Variants in PPFIBP1 observed in about 807,000 individuals in gnomAD.
The protein encoded by PPFIBP1 is PPFIB scaffold protein 1.
In PPFIBP1, 112 loss-of-function variants were observed where a neutral mutation model predicts 137.8. That is an observed-to-expected ratio of 0.81 (90% CI 0.70 to 0.95). The LOEUF is 0.95. PPFIBP1 is among the 40% of genes least tolerant of loss of function. The probability of loss-of-function intolerance (pLI) is 0.00; values close to 1 mark genes in which losing one functional copy is unlikely to be tolerated. For missense variants in PPFIBP1, 1,083 were observed against 1,196.6 expected (o/e 0.91, Z 1.40); for synonymous variants, 378 against 417.3 (o/e 0.91, Z 1.15).
At chr12:27,645,865 C>T (rs541183368) in intron 4 of PPFIBP1, among the ~76,000 whole-genome samples, 197 bp from the exon 5 acceptor site, 1 of 152,276 alleles carries the variant, frequency 6.6e-6, no homozygotes, top group South Asian at 2.1e-4. Flanking sequence ...CAAAACATGC[C>T]TATATGCTTA....
At chr12:27,566,783 A>G (rs964829365) in intron 1 of PPFIBP1, among the ~76,000 whole-genome samples, 3 of 152,222 alleles carry the variant, frequency 2.0e-5, no homozygotes, top group African/African-American at 4.8e-5. Flanking sequence ...GTTTAAGGCC[A>G]CACGGTCAGC....
At chr12:27,692,735 G>T (rs2061628157) in intron 29 of PPFIBP1, 61 bp from the exon 30 acceptor site, 4 of 1,613,768 alleles carry the variant, frequency 2.5e-6, no homozygotes, top group Admixed American at 3.3e-5. Flanking sequence ...ATGTCTCTTG[G>T]AGAATGTGTA....
intron 1 of PPFIBP1, among the ~76,000 whole-genome samples, chr12:27,558,882 A>G (rs866366164): frequency 6.6e-6 from 1 of 152,144 alleles, no homozygotes; most frequent in Non-Finnish European, 1.5e-5. Context: ...ATTTTTATAG[A>G]GGAAGGGTCT....
chr12:27,574,350 C>G (rs2136756510), intron 1 of PPFIBP1, among the ~76,000 whole-genome samples: 1 of 152,280 alleles, frequency 6.6e-6, no homozygotes, highest in South Asian at 2.1e-4. Context: ...TGGGAACAAA[C>G]TTGGAAGATT....
chr12:27,667,737 G>A (rs1565976513), intron 13 of PPFIBP1, among the ~76,000 whole-genome samples: 1 of 152,202 alleles, frequency 6.6e-6, no homozygotes, highest in African/African-American at 2.4e-5. Context: ...CTGGAGTGGC[G>A]TGAAGGCCTG....
At chr12:27,670,794 A>AAAAAATAATAAT (rs2060142064) in intron 13 of PPFIBP1, among the ~76,000 whole-genome samples, 1 of 139,420 alleles carries the variant, frequency 7.2e-6, no homozygotes, top group African/African-American at 2.6e-5. Context: ...AAAAAAAAAA[A>AAAAAATAATAAT]AATAATAATA....
At chr12:27,550,416 A>C (rs952893252) in intron 1 of PPFIBP1, among the ~76,000 whole-genome samples, 3 of 152,248 alleles carry the variant, frequency 2.0e-5, no homozygotes, top group African/African-American at 4.8e-5. Flanking sequence ...ATTTACATGG[A>C]TAATGGGTTG....
intron 1 of PPFIBP1, chr12:27,547,350 T>C (rs1476823215): frequency 2.0e-5 from 3 of 152,194 alleles, no homozygotes; most frequent in Non-Finnish European, 4.4e-5. Context: ...CAGAAAGTGA[T>C]CTGAGCTGAA....
At chr12:27,683,435 G>T (rs2061002448) in intron 24 of PPFIBP1, among the ~76,000 whole-genome samples, 1 of 152,190 alleles carries the variant, frequency 6.6e-6, no homozygotes, top group Non-Finnish European at 1.5e-5. Context: ...GTTTCTATGT[G>T]CAATGACCAT....
chr12:27,664,290 C>T, intron 11 of PPFIBP1, 72 bp from the exon 12 acceptor site: 1 of 971,574 alleles, frequency 1.0e-6, no homozygotes, highest in Non-Finnish European at 1.6e-6. Flanking sequence ...ATTCTTTATG[C>T]AATTCTTTAT....
At chr12:27,635,249 C>T in intron 4 of PPFIBP1, 134 bp downstream of exon 4, 1 of 808,040 alleles carries the variant, frequency 1.2e-6, no homozygotes, top group Non-Finnish European at 2.0e-6. Context: ...CTTAAGATAT[C>T]TTAATTTTCT....
Position 27,692,646 on chromosome 12 carries a change from A to G in PPFIBP1, c.2921A>G (p.Asn974Ser). ...ATAGGTGCATTCTCTGAAGGCATCA[A>G]CAATCTGACGGTGAGTTTGTGAAAT... ...RQIGAFSEGI[N>S]NLTHMLKEDD... Residue 974 changes from asparagine to serine, a missense_variant, in exon 29 of 30, where the codon AAC becomes AGC. Coordinates refer to ENST00000228425, the MANE Select transcript of PPFIBP1 (RefSeq NM_003622.4). 5 of 1,614,192 alleles carry G rather than the reference A, an allele frequency of 3.1e-6. No individual in the cohort carries two copies. Among genetic ancestry groups the G allele is most frequent in the African/African-American group, 2.7e-5 (2 of 75,068 alleles).
intron 7 of PPFIBP1, among the ~76,000 whole-genome samples, chr12:27,651,635 G>A (rs1050118771): frequency 8.5e-5 from 13 of 152,162 alleles, no homozygotes; most frequent in East Asian, 1.9e-4. Flanking sequence ...CAACAGATGG[G>A]CAACATGGCA....
At chr12:27,687,197 C>CA (rs1278006410) in intron 24 of PPFIBP1, among the ~76,000 whole-genome samples, 188 bp from the exon 25 acceptor site, 1 of 152,094 alleles carries the variant, frequency 6.6e-6, no homozygotes, top group African/African-American at 2.4e-5. Context: ...GCTTCATTGG[C>CA]AAAAAATACT....
chr12:27,600,655 A>G (rs2053880717), intron 2 of PPFIBP1, among the ~76,000 whole-genome samples: 1 of 151,708 alleles, frequency 6.6e-6, no homozygotes, highest in Non-Finnish European at 1.5e-5. Context: ...TCTGAATTTG[A>G]TGTTAATCTC....
At position 27,676,409 on chromosome 12, in the gene PPFIBP1, A is replaced by G. The variant is rs1467169235; in HGVS notation, c.1411-19A>G. ...TGCTGCACCTGAGAGCTGTTTCACT[A>G]TTCTTATTTGCCTCTCAGGACAGAG... On this transcript the variant is annotated intron_variant, in intron 17 of 29. Coordinates refer to ENST00000228425, the MANE Select transcript of PPFIBP1 (RefSeq NM_003622.4). 3 of 1,463,128 alleles carry G rather than the reference A, an allele frequency of 2.1e-6. No individual in the cohort carries two copies. The highest frequency in any genetic ancestry group is 5.0e-5 in the Admixed American group (2 of 39,664). The allele number at this position is 1,463,128 out of a possible 1,614,324, so 90.6% of individuals were successfully genotyped here. A position where few individuals can be genotyped will look rare whatever the true frequency, so the allele number is the denominator to read the frequency against.
At position 27,695,422 on chromosome 12, in the gene PPFIBP1, A is replaced by C. The variant is rs1403506323; in HGVS notation, c.*2540A>C. The C allele has an allele frequency of 6.6e-6, 1 of 152,172 alleles. No homozygotes were observed. The highest frequency in any genetic ancestry group is 2.4e-5 in the African/African-American group (1 of 41,424). The allele number at this position is 152,172 out of a possible 1,614,324, so 9.4% of individuals were successfully genotyped here. The stretch of plus-strand genomic sequence containing the variant: ...GGCGTGAGCCACCATGCCCGGCCCA[A>C]ATATTTTTTATTCAGGATGGTATAA... On this transcript the variant is annotated 3_prime_UTR_variant, in exon 30 of 30. Transcript: ENST00000228425.
intron 1 of PPFIBP1, among the ~76,000 whole-genome samples, chr12:27,542,134 T>C (rs1945739629): frequency 6.6e-6 from 1 of 152,128 alleles, no homozygotes; most frequent in African/African-American, 2.4e-5. Context: ...ATTCAACCAA[T>C]AGCAGATGGA....
At chr12:27,622,459 A>G (rs1274739635) in intron 2 of PPFIBP1, among the ~76,000 whole-genome samples, 1 of 152,256 alleles carries the variant, frequency 6.6e-6, no homozygotes, top group Non-Finnish European at 1.5e-5. Context: ...CAATTTCTGT[A>G]CTTACAGTAG....
Sources: gnomAD v4.1 joint callset for allele counts (sites outside exome capture counted in the v4.1 genomes callset) on GRCh38, gnomAD v4.1.1 for gene constraint, MANE v1.5 for transcripts, NCBI Gene and HGNC (gene_info 2026-07-23, HGNC 2026-07-21) for gene names.